SSBP3: variants seen among roughly 807,000 people sequenced by gnomAD.
The protein encoded by SSBP3 is single-stranded DNA-binding protein 3.
A neutral mutation model predicts 69.6 loss-of-function variants in SSBP3; 5 were observed. The observed-to-expected ratio is 0.07, with a 90% CI of 0.04 to 0.15. SSBP3 has a LOEUF of 0.15. Among genes scored for constraint, SSBP3 ranks in the 10% least tolerant of loss-of-function variants. The probability of loss-of-function intolerance (pLI) is 1.00; values close to 1 mark genes in which losing one functional copy is unlikely to be tolerated. For missense variants in SSBP3, 312 were observed against 534.0 expected (o/e 0.58, Z 4.10); for synonymous variants, 196 against 193.4 (o/e 1.01, Z -0.11).
rs530863927 is a variant in SSBP3 at position 54,277,292 on chromosome 1, C to T, written c.366+4146G>A. 3.3e-5 allele frequency among the ~76,000 whole-genome samples: 5 copies of T among 152,112 alleles called. No individual in the cohort carries two copies. The South Asian group carries it at 1.0e-3, about 32-fold the overall frequency. On this transcript the variant is annotated intron_variant, in intron 5 of 17. Transcript: ENST00000610401. ...TTCTCACGGTGTTCTCAGCAGCCACCACACATCAAGCAGAGCTGGCATTTG... is the reference window on the plus strand; with the variant it reads ...TTCTCACGGTGTTCTCAGCAGCCACTACACATCAAGCAGAGCTGGCATTTG...
At chr1:54,394,534 G>A (rs915745222) in intron 4 of SSBP3, among the ~76,000 whole-genome samples, 1 of 151,908 alleles carries the variant, frequency 6.6e-6, no homozygotes, top group African/African-American at 2.4e-5. Context: ...CTCAAAATAC[G>A]GTAGTGTCTT....
chr1:54,406,234 C>T (rs1259523620), exon 1 of SSBP3: 2 of 387,886 alleles, frequency 5.2e-6, no homozygotes, highest in Non-Finnish European at 9.0e-6. Context: ...CCCCATCGCC[C>T]TGGAACTCCT....
At chr1:54,241,337 A>T (rs1377347839) in intron 12 of SSBP3, 137 bp downstream of exon 12, 2 of 1,014,854 alleles carry the variant, frequency 2.0e-6, no homozygotes, top group Non-Finnish European at 3.1e-6. Context: ...CTGAATATTG[A>T]CAGCAAGTTC....
chr1:54,257,923 A>G, intron 6 of SSBP3, 146 bp downstream of exon 6: 1 of 731,900 alleles, frequency 1.4e-6, no homozygotes, highest in Non-Finnish European at 2.0e-6. Flanking sequence ...TTTAGAAAAA[A>G]GAAATTTCTA....
intron 4 of SSBP3, among the ~76,000 whole-genome samples, chr1:54,352,870 A>T (rs1401398254): frequency 1.3e-5 from 2 of 152,160 alleles, no homozygotes; most frequent in Non-Finnish European, 2.9e-5. Flanking sequence ...GAACCTCAAC[A>T]CAATCCATGG....
At chr1:54,403,236 T>C (rs1339245364) in intron 3 of SSBP3, among the ~76,000 whole-genome samples, 1 of 152,154 alleles carries the variant, frequency 6.6e-6, no homozygotes, top group Non-Finnish European at 1.5e-5. Context: ...ATTCTGGATA[T>C]AACAGGAAAA....
intron 4 of SSBP3, among the ~76,000 whole-genome samples, chr1:54,296,159 G>C (rs1645700058): frequency 6.6e-6 from 1 of 152,214 alleles, no homozygotes; most frequent in African/African-American, 2.4e-5. Flanking sequence ...GAACAGACCA[G>C]ATTTTGGTAA....
chr1:54,327,268 G>C (rs1167983344), intron 4 of SSBP3, among the ~76,000 whole-genome samples: 197 of 140,918 alleles, frequency 1.4e-3, no homozygotes, highest in African/African-American at 4.6e-3. Context: ...AAGGAAGGAA[G>C]GAAAACAACA....
At chr1:54,261,665 GC>G (rs1645019408) in intron 5 of SSBP3, among the ~76,000 whole-genome samples, 1 of 152,160 alleles carries the variant, frequency 6.6e-6, no homozygotes, top group African/African-American at 2.4e-5. Context: ...CATCTGGAGG[GC>G]TGCTTGGCCA....
intron 4 of SSBP3, among the ~76,000 whole-genome samples, chr1:54,316,384 A>C (rs1646098585): frequency 6.7e-6 from 1 of 149,826 alleles, no homozygotes; most frequent in African/African-American, 2.5e-5. Flanking sequence ...TCACGCCTGT[A>C]ATCCCAGCAC....
chr1:54,312,401 C>G (rs150680957), intron 4 of SSBP3, among the ~76,000 whole-genome samples: 26,917 of 151,700 alleles, frequency 0.18, 2,456 homozygotes, highest in East Asian at 0.28. Flanking sequence ...ACCAGCCTGG[C>G]CAACATGGTG....
At chr1:54,364,827 CTT>C (rs1273206065) in intron 4 of SSBP3, among the ~76,000 whole-genome samples, 3 of 152,218 alleles carry the variant, frequency 2.0e-5, no homozygotes, top group Non-Finnish European at 2.9e-5. Flanking sequence ...CCCAAACAGC[CTT>C]TCTCTCCCCA....
intron 10 of SSBP3, chr1:54,242,991 G>T: frequency 3.9e-6 from 2 of 510,990 alleles, no homozygotes; most frequent in Non-Finnish European, 6.9e-6. Flanking sequence ...GCGTCATAGG[G>T]TAATCATGAA....
At chr1:54,228,123 T>G (rs1644317914) in intron 17 of SSBP3, 132 bp downstream of exon 17, 17 of 849,782 alleles carry the variant, frequency 2.0e-5, no homozygotes, top group Non-Finnish European at 3.1e-5. Context: ...AAAAAATAAC[T>G]GAGGTGGAAA....
intron 14 of SSBP3, chr1:54,237,742 C>T: frequency 5.8e-6 from 1 of 173,724 alleles, no homozygotes; most frequent in East Asian, 1.5e-4. Context: ...TTCATGATGT[C>T]AAGACTGAAA....
chr1:54,321,813 C>A (rs1452853590), intron 4 of SSBP3, among the ~76,000 whole-genome samples: 1 of 152,168 alleles, frequency 6.6e-6, no homozygotes, highest in Non-Finnish European at 1.5e-5. Flanking sequence ...GTCGACCAGG[C>A]TCAAGATAGA....
chr1:54,337,510 TTTTTTG>T (rs1375532237), intron 4 of SSBP3, among the ~76,000 whole-genome samples: 5 of 129,490 alleles, frequency 3.9e-5, no homozygotes, highest in African/African-American at 1.2e-4. Flanking sequence ...TTTTTTTTTT[TTTTTTG>T]AGATGGAGTC....
At chr1:54,255,129 C>T (rs1038339035) in intron 7 of SSBP3, among the ~76,000 whole-genome samples, 1 of 129,924 alleles carries the variant, frequency 7.7e-6, no homozygotes, top group African/African-American at 3.1e-5. Context: ...CTGCGCCCAG[C>T]CCCAGTGTAG....
chr1:54,335,905 GA>G (rs1646499176), intron 4 of SSBP3: 1 of 152,322 alleles, frequency 6.6e-6, no homozygotes, highest in Admixed American at 6.5e-5. Context: ...AAGGGCAGGA[GA>G]AATAAGTCTC....
Sources: gnomAD v4.1 joint callset for allele counts (sites outside exome capture counted in the v4.1 genomes callset) on GRCh38, gnomAD v4.1.1 for gene constraint, MANE v1.5 for transcripts, NCBI Gene and HGNC (gene_info 2026-07-23, HGNC 2026-07-21) for gene names.